DACH1: variants seen among roughly 807,000 people sequenced by gnomAD.
DACH1 encodes the protein dachshund family transcription factor 1.
Under a neutral mutation model 54.2 loss-of-function variants are expected in DACH1, and 12 were observed. The ratio of observed to expected loss-of-function variants is 0.22; its 90% CI spans 0.14 to 0.36. The LOEUF (loss-of-function observed/expected upper bound fraction) is 0.36, where lower values mean the gene tolerates loss of function less well. Among genes scored for constraint, DACH1 ranks in the 10% least tolerant of loss-of-function variants. The probability of loss-of-function intolerance (pLI) is 1.00; values close to 1 mark genes in which losing one functional copy is unlikely to be tolerated. For missense variants in DACH1, 805 were observed against 929.8 expected, an observed-to-expected ratio of 0.87 and a Z score of 1.75; for synonymous variants, 386 against 366.2, an observed-to-expected ratio of 1.05 and a Z score of -0.62.
At chr13:71,628,145 A>G (rs1189138281) in intron 3 of DACH1, among the ~76,000 whole-genome samples, 1 of 152,018 alleles carries the variant, frequency 6.6e-6, no homozygotes, top group Non-Finnish European at 1.5e-5. Context: ...CTGAACACTT[A>G]CCAAGAGGCA....
At chr13:71,797,621 G>A (rs1887110769) in intron 1 of DACH1, among the ~76,000 whole-genome samples, 1 of 152,130 alleles carries the variant, frequency 6.6e-6, no homozygotes, top group Non-Finnish European at 1.5e-5. Context: ...ACACAGAGGG[G>A]TAGTTGGTGC....
At chr13:71,445,731 T>C (rs964344381) in intron 10 of DACH1, among the ~76,000 whole-genome samples, 6 of 152,208 alleles carry the variant, frequency 3.9e-5, no homozygotes, top group Non-Finnish European at 8.8e-5. Context: ...TAAAAGTCTG[T>C]AGGAACAAAA....
In DACH1 at chr13:71,563,913, T is replaced by C. The variant is rs187451242; in HGVS notation, c.1300-3958A>G. 1.6e-3 allele frequency among the ~76,000 whole-genome samples: 250 copies of C among 151,942 alleles called. 1 individual carries two copies. The highest frequency in any genetic ancestry group is 5.6e-3 in the African/African-American group (232 of 41,580). ...CTATTCAATTGAAACTTTCTATAAATTGAGACACAACATATTCAGTCATTT... is the reference window on the plus strand; with the variant it reads ...CTATTCAATTGAAACTTTCTATAAACTGAGACACAACATATTCAGTCATTT... On this transcript the variant is annotated intron_variant, in intron 4 of 10. Coordinates refer to ENST00000613252, the MANE Select transcript of DACH1 (RefSeq NM_080759.6).
At chr13:71,711,843 C>G (rs543672154) in intron 1 of DACH1, among the ~76,000 whole-genome samples, 1 of 152,176 alleles carries the variant, frequency 6.6e-6, no homozygotes, top group Admixed American at 6.5e-5. Flanking sequence ...TTGTCTGACT[C>G]ATTTAAATAG....
intron 6 of DACH1, among the ~76,000 whole-genome samples, chr13:71,491,763 G>C (rs1294183795): frequency 1.3e-5 from 2 of 152,110 alleles, no homozygotes; most frequent in Admixed American, 1.3e-4. Flanking sequence ...TAATATCATA[G>C]AAGATTTCGT....
At chr13:71,577,359 A>G (rs1320383575) in intron 3 of DACH1, among the ~76,000 whole-genome samples, 1 of 152,194 alleles carries the variant, frequency 6.6e-6, no homozygotes, top group Non-Finnish European at 1.5e-5. Flanking sequence ...GTGAGGAAGC[A>G]TGCCCAAAGA....
At chr13:71,662,761 G>A (rs1879592566) in intron 2 of DACH1, among the ~76,000 whole-genome samples, 1 of 151,824 alleles carries the variant, frequency 6.6e-6, no homozygotes, top group African/African-American at 2.4e-5. Flanking sequence ...ATGAAGTTTT[G>A]AGTTGAATCA....
At chr13:71,815,789 T>C (rs1383155839) in intron 1 of DACH1, among the ~76,000 whole-genome samples, 1 of 152,146 alleles carries the variant, frequency 6.6e-6, no homozygotes, top group Non-Finnish European at 1.5e-5. Flanking sequence ...TGTCAGGTCT[T>C]AAAATAAGCT....
At chr13:71,591,237 A>G (rs1404574787) in intron 3 of DACH1, among the ~76,000 whole-genome samples, 1 of 151,916 alleles carries the variant, frequency 6.6e-6, no homozygotes, top group Non-Finnish European at 1.5e-5. Flanking sequence ...ACTTCCACTG[A>G]CTATAAGCAA....
chr13:71,552,836 TATATATAGAGAGAGAGAGAGAGAG>T (rs1883952151), intron 6 of DACH1, among the ~76,000 whole-genome samples: 5 of 27,180 alleles, frequency 1.8e-4, no homozygotes, highest in African/African-American at 6.4e-4. Flanking sequence ...TATATATATA[TATATATAGAGAGAGAGAGAGAGAG>T]AGAGAGAGAG....
rs528723054 is a variant in DACH1 at position 71,713,346 on chromosome 13, T to C, written c.849-31436A>G. On this transcript the variant is annotated intron_variant, in intron 1 of 10. Coordinates refer to ENST00000613252, the MANE Select transcript of DACH1 (RefSeq NM_080759.6). ...GAATTTATTTCTATTGTTTCAGAGA[T>C]TAATTCAATGGTCTAAACGTGCATA... Among the ~76,000 whole-genome samples the C allele has an allele frequency of 2.6e-5, 4 of 152,234 alleles. No individual in the cohort carries two copies. The East Asian group carries it at 7.7e-4, about 29-fold the overall frequency.
intron 6 of DACH1, among the ~76,000 whole-genome samples, chr13:71,539,623 T>C (rs550777683): frequency 1.3e-5 from 2 of 152,216 alleles, no homozygotes; most frequent in South Asian, 4.1e-4. Context: ...CTTTCCTAAA[T>C]AAAGTTTGTA....
chr13:71,651,390 GAAAGA>G (rs1451735350), intron 2 of DACH1, among the ~76,000 whole-genome samples: 1 of 150,990 alleles, frequency 6.6e-6, no homozygotes, highest in East Asian at 2.0e-4. Flanking sequence ...AAGAAAGAAA[GAAAGA>G]AAAGAAAAGA....
At chr13:71,709,736 T>C (rs1471228846) in intron 1 of DACH1, among the ~76,000 whole-genome samples, 5 of 152,202 alleles carry the variant, frequency 3.3e-5, no homozygotes, top group African/African-American at 1.2e-4. Flanking sequence ...AAAAGCATAG[T>C]ATATAGAGAG....
intron 3 of DACH1, among the ~76,000 whole-genome samples, chr13:71,598,258 T>C (rs1007699714): frequency 2.6e-5 from 4 of 152,228 alleles, no homozygotes; most frequent in East Asian, 1.9e-4. Context: ...TTAAAATTTA[T>C]TGATGCTTTT....
Position 71,630,694 on chromosome 13 carries a change from C to T in DACH1, c.988G>A (p.Ala330Thr). 6.3e-7 allele frequency: 1 copy of T among 1,591,148 alleles called. No individual in the cohort carries two copies. The highest frequency in any genetic ancestry group is 8.5e-7 in the Non-Finnish European group (1 of 1,174,158). Reference protein sequence around the residue: ...PTGLTAAAAAAAAATNAAIAE... With the variant: ...PTGLTAAAAATAAATNAAIAE... ...ATAGCTGCATTGGTAGCAGCAGCAGCTGCTGCAGCGGCTGCTGTCAGACCT... is the reference window on the plus strand; with the variant it reads ...ATAGCTGCATTGGTAGCAGCAGCAGTTGCTGCAGCGGCTGCTGTCAGACCT... Residue 330 changes from alanine (A) to threonine (T), a missense_variant, in exon 3 of 11, where the codon GCT becomes ACT. Coordinates refer to ENST00000613252, the MANE Select transcript of DACH1 (RefSeq NM_080759.6).
chr13:71,678,574 T>C (rs1344619441), intron 2 of DACH1, among the ~76,000 whole-genome samples: 2 of 152,168 alleles, frequency 1.3e-5, no homozygotes, highest in African/African-American at 4.8e-5. Flanking sequence ...TACAGGGCAC[T>C]AAACTAACTC....
chr13:71,506,115 C>G (rs1171971691), intron 6 of DACH1, among the ~76,000 whole-genome samples: 2 of 151,518 alleles, frequency 1.3e-5, no homozygotes, highest in Admixed American at 6.6e-5. Flanking sequence ...ATTTTCAAAA[C>G]TCACATAAAG....
At chr13:71,673,401 C>T (rs1365507967) in intron 2 of DACH1, among the ~76,000 whole-genome samples, 2 of 151,938 alleles carry the variant, frequency 1.3e-5, no homozygotes, top group Non-Finnish European at 2.9e-5. Flanking sequence ...GCTATATTTA[C>T]ATTCAGTTAA....
Sources: allele counts gnomAD v4.1 joint callset (sites outside exome capture counted in the v4.1 genomes callset), GRCh38; gene constraint gnomAD v4.1.1; transcripts MANE v1.5; gene names NCBI Gene and HGNC (gene_info 2026-07-23, HGNC 2026-07-21).